The following FTO variants were observed in gnomAD, a reference collection of about 807,000 sequenced individuals.
FTO encodes the protein alpha-ketoglutarate-dependent dioxygenase FTO.
FTO carries 47 observed loss-of-function variants against 63.9 expected under a neutral mutation model. That is an observed-to-expected ratio of 0.74 (90% CI 0.58 to 0.94). FTO has a LOEUF of 0.94. Ranked by LOEUF, FTO falls within the 40% of genes least tolerant of loss-of-function variation. The probability of loss-of-function intolerance (pLI) is 0.00; values close to 1 mark genes in which losing one functional copy is unlikely to be tolerated. For synonymous variants in FTO, 207 were observed against 224.4 expected, an observed-to-expected ratio of 0.92 and a Z score of 0.69; for missense variants, 562 against 618.1, an observed-to-expected ratio of 0.91 and a Z score of 0.96.
chr16:53,864,197 G>C (rs1331455510), intron 4 of FTO, among the ~76,000 whole-genome samples: 1 of 152,216 alleles, frequency 6.6e-6, no homozygotes. Flanking sequence ...AAAAGCTTCA[G>C]TGATTGTTTG....
rs779953929 is a variant in FTO, at chr16:53,825,860, T to A, written c.124-4T>A. On this transcript the variant is annotated splice_polypyrimidine_tract_variant and splice_region_variant and intron_variant, in intron 2 of 8. Coordinates refer to ENST00000471389, the MANE Select transcript of FTO (RefSeq NM_001080432.3). ...CGTCTGTTTTTGCTTTGGTTTTGTT[T>A]TAGTGGCAGCTGAAATATCCTAAAC... 3.7e-6 allele frequency: 6 copies of A among 1,613,108 alleles called. No homozygotes were observed. The highest frequency in any genetic ancestry group is 5.1e-6 in the Non-Finnish European group (6 of 1,180,018).
At chr16:53,868,816 A>T (rs941151318) in intron 4 of FTO, among the ~76,000 whole-genome samples, 12 of 151,612 alleles carry the variant, frequency 7.9e-5, no homozygotes, top group South Asian at 4.2e-4. Flanking sequence ...ACATTTTTTT[A>T]AAAAATCCTT....
Position 53,795,476 on chromosome 16 carries a change from T to C in FTO, c.46-14664T>C, listed in dbSNP as rs545108154. On this transcript the variant is annotated intron_variant, in intron 1 of 8. Transcript: ENST00000471389. ...GTGTGTGTGTGTGTGTGCGTGCGTG[T>C]GTGTGTGTGTAGAGACCAGATTCTC... 1.8e-4 allele frequency among the ~76,000 whole-genome samples: 27 copies of C among 150,652 alleles called. No individual in the cohort carries two copies. In the South Asian group the frequency reaches 4.9e-3, roughly 27 times the overall value.
intron 8 of FTO, among the ~76,000 whole-genome samples, chr16:54,024,364 C>T (rs2084666569): frequency 6.6e-6 from 1 of 152,070 alleles, no homozygotes; most frequent in African/African-American, 2.4e-5. Flanking sequence ...GCTGGGATTA[C>T]AGGTGCACAC....
At chr16:53,839,071 G>C (rs17818997) in intron 3 of FTO, among the ~76,000 whole-genome samples, 35,046 of 152,046 alleles carry the variant, frequency 0.23, 4,262 homozygotes, top group Middle Eastern at 0.31. Context: ...AGTATTTTGT[G>C]CTTTATTAAA....
chr16:53,928,358 C>T (rs1053168638), intron 7 of FTO, among the ~76,000 whole-genome samples: 24 of 152,142 alleles, frequency 1.6e-4, no homozygotes, highest in Non-Finnish European at 3.2e-4. Flanking sequence ...TAATAGGAGA[C>T]TGTTTAAAAA....
At chr16:53,734,307 A>G (rs781557142) in intron 1 of FTO, among the ~76,000 whole-genome samples, 1 of 152,224 alleles carries the variant, frequency 6.6e-6, no homozygotes, top group African/African-American at 2.4e-5. Context: ...AAAGGAAGTA[A>G]TTTAGATTCC....
chr16:53,844,382 G>GA, intron 4 of FTO, 84 bp downstream of exon 4: 6 of 1,104,128 alleles, frequency 5.4e-6, no homozygotes, highest in Non-Finnish European at 8.2e-6. Flanking sequence ...TATGTCTTAT[G>GA]AAATAAACTT....
At chr16:53,889,386 G>A (rs557898804) in intron 7 of FTO, among the ~76,000 whole-genome samples, 8 of 152,280 alleles carry the variant, frequency 5.3e-5, no homozygotes, top group Admixed American at 2.6e-4. Context: ...CTCCCCCAGG[G>A]TCACTGAGTA....
intron 1 of FTO, among the ~76,000 whole-genome samples, chr16:53,756,008 A>C (rs1439732515): frequency 1.3e-5 from 2 of 152,244 alleles, no homozygotes; most frequent in Non-Finnish European, 2.9e-5. Flanking sequence ...CTACACTTGC[A>C]GAAGATGAAA....
chr16:53,957,558 A>G (rs1445908136), intron 8 of FTO, among the ~76,000 whole-genome samples: 1 of 152,232 alleles, frequency 6.6e-6, no homozygotes, highest in Non-Finnish European at 1.5e-5. Flanking sequence ...ATTATGCCCT[A>G]TGTGATAGTG....
At chr16:53,799,975 AT>A (rs200104363) in intron 1 of FTO, among the ~76,000 whole-genome samples, 2 of 149,544 alleles carry the variant, frequency 1.3e-5, no homozygotes, top group South Asian at 2.1e-4. Flanking sequence ...TTTTGGCTTC[AT>A]TTTTTTTTAA....
At chr16:53,884,426 G>C (rs1348079218) in intron 6 of FTO, among the ~76,000 whole-genome samples, 1 of 152,070 alleles carries the variant, frequency 6.6e-6, no homozygotes, top group Non-Finnish European at 1.5e-5. Flanking sequence ...GCCTTCATAG[G>C]GTATCTCTTT....
chr16:53,921,871 G>A (rs2151956192), intron 7 of FTO, among the ~76,000 whole-genome samples: 1 of 151,872 alleles, frequency 6.6e-6, no homozygotes, highest in East Asian at 1.9e-4. Context: ...TATATATATA[G>A]CATAACAGTA....
chr16:53,988,368 AT>A (rs2083722709), intron 8 of FTO, among the ~76,000 whole-genome samples: 1 of 152,062 alleles, frequency 6.6e-6, no homozygotes, highest in African/African-American at 2.4e-5. Flanking sequence ...AGCCAGCTTT[AT>A]TTTTTACGTT....
chr16:53,895,544 G>A (rs1177521223), intron 7 of FTO, among the ~76,000 whole-genome samples: 3 of 152,202 alleles, frequency 2.0e-5, no homozygotes, highest in Non-Finnish European at 2.9e-5. Context: ...GGATACTTAT[G>A]TTTCTTAAAG....
chr16:53,937,493 AG>A (rs1350794323), intron 8 of FTO: 7 of 380,860 alleles, frequency 1.8e-5, no homozygotes, highest in Admixed American at 9.0e-5. Context: ...CTGTAGGAAA[AG>A]GCAGAAAAAG....
chr16:53,719,586 C>T (rs890693005), intron 1 of FTO, among the ~76,000 whole-genome samples: 1 of 147,078 alleles, frequency 6.8e-6, no homozygotes, highest in Non-Finnish European at 1.5e-5. Context: ...TAACTTTGTA[C>T]ATTCTTGTCT....
chr16:53,823,933 T>TA (rs990790146), intron 2 of FTO, among the ~76,000 whole-genome samples: 46 of 152,264 alleles, frequency 3.0e-4, no homozygotes, highest in African/African-American at 1.1e-3. Context: ...TTTTATCCCT[T>TA]ACATCTAATT....
Sources: allele counts gnomAD v4.1 joint callset (sites outside exome capture counted in the v4.1 genomes callset), GRCh38; gene constraint gnomAD v4.1.1; transcripts MANE v1.5; gene names NCBI Gene and HGNC (gene_info 2026-07-23, HGNC 2026-07-21).